TENT4B: variants seen among roughly 807,000 people sequenced by gnomAD.
TENT4B encodes the protein terminal nucleotidyltransferase 4B.
In TENT4B, 10 loss-of-function variants were observed where a neutral mutation model predicts 75.0. The observed-to-expected ratio is 0.13, with a 90% CI of 0.08 to 0.23. TENT4B has a LOEUF of 0.23. TENT4B is among the 10% of genes least tolerant of loss of function. TENT4B has a pLI of 1.00. For missense variants in TENT4B, 579 were observed against 893.8 expected (o/e 0.65, Z 4.49); for synonymous variants, 350 against 357.7 (o/e 0.98, Z 0.24).
At position 50,229,196 on chromosome 16, in the gene TENT4B, A is replaced by G. The variant is rs753030866; in HGVS notation, c.2010A>G (p.Gln670=). The G allele has an allele frequency of 6.2e-6, 10 of 1,613,800 alleles. No homozygotes were observed. The South Asian group carries it at 6.6e-5, about 11-fold the overall frequency. ...RLFRSSSKGF[Q]GTTQTSHGSL... ...TTCGTTCTTCCAGCAAAGGCTTCCA[A>G]GGTACAACTCAAACAAGCCATGGTT... The change falls in exon 12 of 12, where the codon CAA becomes CAG. Residue 670 remains glutamine, a synonymous_variant. Transcript: ENST00000561678.
chr16:50,230,503 A>G lies in TENT4B; in HGVS notation c.*1175A>G. On this transcript the variant is annotated 3_prime_UTR_variant, in exon 12 of 12. Coordinates refer to ENST00000561678, the MANE Select transcript of TENT4B (RefSeq NM_001365324.3). ...AGCTTTAATTAAATCATACTTATAAAAAACTATTTTCTTATATTCCACTCT... is the reference window on the plus strand; with the variant it reads ...AGCTTTAATTAAATCATACTTATAAGAAACTATTTTCTTATATTCCACTCT... 1 of 979,468 alleles carries G rather than the reference A, an allele frequency of 1.0e-6. No homozygotes were observed. The highest frequency in any genetic ancestry group is 1.2e-6 in the Non-Finnish European group (1 of 824,180). 60.7% of individuals were successfully genotyped at this position (979,468 alleles called of 1,614,324 possible). A position where few individuals can be genotyped will look rare whatever the true frequency, so the allele number is the denominator to read the frequency against.
At chr16:50,174,957 G>A (rs188864508) in intron 1 of TENT4B, among the ~76,000 whole-genome samples, 1 of 151,958 alleles carries the variant, frequency 6.6e-6, no homozygotes, top group African/African-American at 2.4e-5. Flanking sequence ...TAGCCAGACT[G>A]GTCTTGAACT....
At chr16:50,226,100 A>G (rs2032040150) in intron 10 of TENT4B, among the ~76,000 whole-genome samples, 1 of 151,062 alleles carries the variant, frequency 6.6e-6, no homozygotes, top group Admixed American at 6.6e-5. Flanking sequence ...CCTGGGTTCA[A>G]GCGATTCTCC....
At chr16:50,198,589 A>T (rs2030432497) in intron 1 of TENT4B, among the ~76,000 whole-genome samples, 1 of 152,142 alleles carries the variant, frequency 6.6e-6, no homozygotes, top group Non-Finnish European at 1.5e-5. Context: ...TATCAGATCA[A>T]CTCACTAATG....
chr16:50,174,137 G>T (rs1250333697), intron 1 of TENT4B, among the ~76,000 whole-genome samples: 5 of 151,894 alleles, frequency 3.3e-5, no homozygotes, highest in African/African-American at 1.2e-4. Flanking sequence ...TTGCTCTGTC[G>T]CCCAGTCTGG....
chr16:50,177,899 T>C (rs2038340254), intron 1 of TENT4B, among the ~76,000 whole-genome samples: 1 of 152,152 alleles, frequency 6.6e-6, no homozygotes, highest in Non-Finnish European at 1.5e-5. Flanking sequence ...TTTCTCTATA[T>C]CTTACAAATT....
Position 50,232,663 on chromosome 16 carries a change from T to C in TENT4B, c.*3335T>C, listed in dbSNP as rs1458836109. The C allele has an allele frequency of 3.0e-6, 3 of 984,976 alleles. No individual in the cohort carries two copies. Among genetic ancestry groups the C allele is most frequent in the Non-Finnish European group, 3.6e-6 (3 of 829,880 alleles). The allele number at this position is 984,976 out of a possible 1,614,324, so 61.0% of individuals were successfully genotyped here. ...CGTGCAGGATTCTCTTGCTGTGACA[T>C]GTTCATTGCAAAGCCCTCTCCAGTG... On this transcript the variant is annotated 3_prime_UTR_variant, in exon 12 of 12. Coordinates refer to ENST00000561678, the MANE Select transcript of TENT4B (RefSeq NM_001365324.3).
intron 5 of TENT4B, among the ~76,000 whole-genome samples, chr16:50,221,767 C>CT (rs537638271): frequency 1.9e-3 from 275 of 144,948 alleles, no homozygotes; most frequent in South Asian, 8.3e-3. Flanking sequence ...ATAGCAAGTA[C>CT]TTTTTTTTTT....
chr16:50,211,027 G>A (rs967212982), intron 1 of TENT4B, among the ~76,000 whole-genome samples: 1 of 152,180 alleles, frequency 6.6e-6, no homozygotes, highest in African/African-American at 2.4e-5. Context: ...TCAGTATCTT[G>A]TGTCTATTAG....
chr16:50,206,252 T>C (rs2030958530), intron 1 of TENT4B, among the ~76,000 whole-genome samples: 1 of 152,084 alleles, frequency 6.6e-6, no homozygotes, highest in African/African-American at 2.4e-5. Context: ...TCAGGAGAGA[T>C]TGTAGTAATT....
At chr16:50,216,052 T>G in intron 3 of TENT4B, 23 bp from the exon 4 acceptor site, 1 of 1,613,482 alleles carries the variant, frequency 6.2e-7, no homozygotes, top group Non-Finnish European at 8.5e-7. Context: ...TCCGACCCTC[T>G]TGTATATGTA....
intron 11 of TENT4B, 78 bp downstream of exon 11, chr16:50,228,081 G>T: frequency 6.6e-7 from 1 of 1,505,098 alleles, no homozygotes. Flanking sequence ...ATAATATGCA[G>T]CATGGGTTTG....
At position 50,181,317 on chromosome 16, in the gene TENT4B, T is replaced by C. The variant is rs2038410914; in HGVS notation, c.638+27058T>C. Among the ~76,000 whole-genome samples, 3 of 151,660 alleles carry C rather than the reference T, an allele frequency of 2.0e-5. No individual in the cohort carries two copies. The South Asian group carries it at 6.3e-4, about 32-fold the overall frequency. On this transcript the variant is annotated intron_variant, in intron 1 of 11. Transcript: ENST00000561678. Reference sequence around the variant, plus strand: ...GTCTGATTCAAGCCACCTGCAATCATGGATTTGAACTTTTTTTTTTTTTTC... The same window carrying C: ...GTCTGATTCAAGCCACCTGCAATCACGGATTTGAACTTTTTTTTTTTTTTC...
At chr16:50,202,789 A>C (rs2030728354) in intron 1 of TENT4B, among the ~76,000 whole-genome samples, 1 of 152,160 alleles carries the variant, frequency 6.6e-6, no homozygotes, top group Non-Finnish European at 1.5e-5. Flanking sequence ...AGTAGTAGTA[A>C]GGCTGGGTGG....
intron 6 of TENT4B, 63 bp downstream of exon 6, chr16:50,222,497 A>G (rs1170315819): frequency 6.4e-7 from 1 of 1,554,770 alleles, no homozygotes; most frequent in Non-Finnish European, 8.7e-7. Flanking sequence ...ATCAGCTGGG[A>G]AACATTTTGG....
rs893552275 is a variant in TENT4B at position 50,188,043 on chromosome 16, A to T, written c.639-23280A>T. Among the ~76,000 whole-genome samples, 3 of 152,294 alleles carry T rather than the reference A, an allele frequency of 2.0e-5. No individual in the cohort carries two copies. In the East Asian group the frequency reaches 5.8e-4, roughly 29 times the overall value. On this transcript the variant is annotated intron_variant, in intron 1 of 11. Coordinates refer to ENST00000561678, the MANE Select transcript of TENT4B (RefSeq NM_001365324.3). ...CCTTGGCCTGCAGTGCTGAGATGAC[A>T]GGTGTGAACCACTACACCTGGCCTG...
intron 1 of TENT4B, among the ~76,000 whole-genome samples, chr16:50,161,151 A>G (rs2037996327): frequency 6.6e-6 from 1 of 152,208 alleles, no homozygotes. Context: ...TTGTTTCACT[A>G]TTCTTAAGAT....
chr16:50,206,812 T>C (rs2031001677), intron 1 of TENT4B, among the ~76,000 whole-genome samples: 1 of 152,128 alleles, frequency 6.6e-6, no homozygotes, highest in South Asian at 2.1e-4. Flanking sequence ...CCAAAGATCT[T>C]GAACCTCCCA....
At chr16:50,156,357 T>C (rs2037899694) in intron 1 of TENT4B, among the ~76,000 whole-genome samples, 1 of 151,960 alleles carries the variant, frequency 6.6e-6, no homozygotes, top group African/African-American at 2.4e-5. Context: ...TTTTTTTTTT[T>C]TTTTGAGACG....
Sources: gnomAD v4.1 joint callset for allele counts (sites outside exome capture counted in the v4.1 genomes callset) on GRCh38, gnomAD v4.1.1 for gene constraint, MANE v1.5 for transcripts, NCBI Gene and HGNC (gene_info 2026-07-23, HGNC 2026-07-21) for gene names.